TMX3: variants seen among roughly 807,000 people sequenced by gnomAD.
The protein encoded by TMX3 is protein disulfide-isomerase TMX3.
Under a neutral mutation model 64.4 loss-of-function variants are expected in TMX3, and 40 were observed. That is an observed-to-expected ratio of 0.62 (90% CI 0.48 to 0.81). The LOEUF is 0.81. TMX3 is among the 30% of genes least tolerant of loss of function. The probability of loss-of-function intolerance (pLI) is 0.00; values close to 1 mark genes in which losing one functional copy is unlikely to be tolerated. For missense variants in TMX3, 497 were observed against 534.5 expected (o/e 0.93, Z 0.69); for synonymous variants, 189 against 175.7 (o/e 1.08, Z -0.60).
intron 4 of TMX3, among the ~76,000 whole-genome samples, chr18:68,702,174 T>C (rs1175569301): frequency 2.1e-5 from 1 of 46,678 alleles, no homozygotes; most frequent in East Asian, 7.3e-4. Flanking sequence ...TTTACTCCTC[T>C]CAAAAAAAAA....
intron 8 of TMX3, chr18:68,696,994 C>G (rs1915151743): frequency 5.9e-6 from 2 of 338,562 alleles, no homozygotes; most frequent in Non-Finnish European, 5.4e-6. Flanking sequence ...ACAAGAAGCA[C>G]TAATGTAAAT....
chr18:68,691,890 T>G (rs1914557465), intron 8 of TMX3, among the ~76,000 whole-genome samples: 1 of 152,208 alleles, frequency 6.6e-6, no homozygotes, highest in Admixed American at 6.5e-5. Flanking sequence ...GTACTTACTT[T>G]GAGAGAAAAA....
chr18:68,711,407 AAAAACAAG>A lies in TMX3; in HGVS notation c.102-12_102-5del. On this transcript the variant is annotated splice_region_variant and splice_polypyrimidine_tract_variant and intron_variant, in intron 2 of 15. Coordinates refer to ENST00000299608, the MANE Select transcript of TMX3 (RefSeq NM_019022.5). ...ATCATTTCGATTTTCTTTAAACCTAAAAAACAAGAAAACAAATGTTTGATTGTATGTTT... is the reference window on the plus strand; with the variant it reads ...ATCATTTCGATTTTCTTTAAACCTAAAAAACAAATGTTTGATTGTATGTTT... The A allele has an allele frequency of 1.9e-6, 3 of 1,581,218 alleles. No homozygotes were observed. Among genetic ancestry groups the A allele is most frequent in the Non-Finnish European group, 1.7e-6 (2 of 1,157,338 alleles).
chr18:68,680,182 T>C (rs1454649001), intron 14 of TMX3, among the ~76,000 whole-genome samples: 4 of 152,206 alleles, frequency 2.6e-5, no homozygotes, highest in Non-Finnish European at 5.9e-5. Flanking sequence ...CCGAAAGTAG[T>C]TATGTTTGTT....
At chr18:68,698,664 T>C (rs1171039657) in intron 6 of TMX3, among the ~76,000 whole-genome samples, 2 of 152,036 alleles carry the variant, frequency 1.3e-5, no homozygotes, top group East Asian at 1.9e-4. Flanking sequence ...AGCAAATAGA[T>C]TGAGCAATGA....
At chr18:68,710,909 A>G (rs996429545) in intron 3 of TMX3, among the ~76,000 whole-genome samples, 3 of 152,190 alleles carry the variant, frequency 2.0e-5, no homozygotes, top group Non-Finnish European at 4.4e-5. Context: ...CAACTATCAT[A>G]AGGTTTAAAT....
chr18:68,708,126 T>C (rs933204721), intron 4 of TMX3, among the ~76,000 whole-genome samples: 2 of 151,950 alleles, frequency 1.3e-5, no homozygotes, highest in African/African-American at 4.8e-5. Context: ...ATTACTTTCA[T>C]GAGCAACAGT....
chr18:68,711,461 T>A, intron 2 of TMX3, 58 bp from the exon 3 acceptor site: 13 of 1,222,456 alleles, frequency 1.1e-5, no homozygotes, highest in Admixed American at 2.1e-5. Flanking sequence ...TACAACTGTA[T>A]AGTATAGGCA....
rs567900716 is a variant in TMX3, at chr18:68,712,000, C to T, written c.102-597G>A. On this transcript the variant is annotated intron_variant, in intron 2 of 15. Transcript: ENST00000299608. ...TCCCTTAAAATGTTCAACCACCCTGCGGATCAGAGTTTACAGCATATGACG... is the reference window on the plus strand; with the variant it reads ...TCCCTTAAAATGTTCAACCACCCTGTGGATCAGAGTTTACAGCATATGACG... Among the ~76,000 whole-genome samples, 42 of 152,262 alleles carry T rather than the reference C, an allele frequency of 2.8e-4. No individual in the cohort carries two copies. In the South Asian group the frequency reaches 3.9e-3, roughly 14 times the overall value.
chr18:68,699,288 C>A (rs1228137790), intron 6 of TMX3, among the ~76,000 whole-genome samples: 1 of 152,074 alleles, frequency 6.6e-6, no homozygotes, highest in Middle Eastern at 3.2e-3. Flanking sequence ...TCAGGAGAAT[C>A]CCTTCTTAAG....
chr18:68,710,627 T>C (rs960995810), intron 3 of TMX3, among the ~76,000 whole-genome samples: 8 of 152,292 alleles, frequency 5.3e-5, no homozygotes, highest in East Asian at 1.9e-4. Context: ...TGGTTTGGCA[T>C]AGGGACAAGC....
chr18:68,712,659 CCT>C (rs1491262355), intron 2 of TMX3, among the ~76,000 whole-genome samples: 2 of 152,044 alleles, frequency 1.3e-5, no homozygotes, highest in Non-Finnish European at 2.9e-5. Context: ...AAGAGTTGCC[CCT>C]GTTAGGACAC....
rs1204456667 is a variant in TMX3, at chr18:68,710,157, AAACAAAC to A, written c.142-20_142-14del. ...ATGGCGCATAAAACTTGTTTTAAAA[AAACAAAC>A]AACAAACAAAAAAAGATAACCATTA... On this transcript the variant is annotated splice_polypyrimidine_tract_variant and intron_variant, in intron 3 of 15. Transcript: ENST00000299608. 2 of 1,520,814 alleles carry A rather than the reference AAACAAAC, an allele frequency of 1.3e-6. No individual in the cohort carries two copies. The highest frequency in any genetic ancestry group is 1.8e-6 in the Non-Finnish European group (2 of 1,139,076). The allele number at this position is 1,520,814 out of a possible 1,614,324, so 94.2% of individuals were successfully genotyped here. A position where few individuals can be genotyped will look rare whatever the true frequency, so the allele number is the denominator to read the frequency against.
At position 68,674,210 on chromosome 18, in the gene TMX3, G is replaced by C. The variant is rs1232633403; in HGVS notation, c.*2723C>G. 5 of 152,074 alleles carry C rather than the reference G, an allele frequency of 3.3e-5. No homozygotes were observed. Among genetic ancestry groups the C allele is most frequent in the Admixed American group, 1.3e-4 (2 of 15,250 alleles). 9.4% of individuals were successfully genotyped at this position (152,074 alleles called of 1,614,324 possible). ...TACCAGGAAGCAACTATGTGAGAAA[G>C]AAAATGAAAATTCTAGGTCTAATAC... On this transcript the variant is annotated 3_prime_UTR_variant, in exon 16 of 16. Coordinates refer to ENST00000299608, the MANE Select transcript of TMX3 (RefSeq NM_019022.5).
intron 8 of TMX3, among the ~76,000 whole-genome samples, chr18:68,692,387 G>GT (rs1331527903): frequency 6.6e-5 from 10 of 152,030 alleles, no homozygotes; most frequent in Admixed American, 5.9e-4. Flanking sequence ...TCTCCCGTGT[G>GT]TTTTTTTCAA....
At chr18:68,713,419 T>C (rs1304321407) in intron 2 of TMX3, among the ~76,000 whole-genome samples, 3 of 152,162 alleles carry the variant, frequency 2.0e-5, no homozygotes, top group Admixed American at 6.5e-5. Context: ...CCTTCCCCTA[T>C]GCCAGAAAAA....
chr18:68,681,323 C>G, intron 13 of TMX3: 1 of 564,620 alleles, frequency 1.8e-6, no homozygotes, highest in Non-Finnish European at 2.5e-6. Flanking sequence ...TTCTAGGATA[C>G]GCAATTCATC....
intron 2 of TMX3, among the ~76,000 whole-genome samples, chr18:68,712,534 C>T (rs550311281): frequency 1.1e-4 from 17 of 152,182 alleles, no homozygotes; most frequent in African/African-American, 1.7e-4. Context: ...ATTTAGCTGA[C>T]GAACAGTTTG....
Position 68,676,724 on chromosome 18 carries a change from G to A in TMX3, c.*209C>T. 1 of 590,050 alleles carries A rather than the reference G, an allele frequency of 1.7e-6. No homozygotes were observed. Among genetic ancestry groups the A allele is most frequent in the Non-Finnish European group, 2.9e-6 (1 of 341,890 alleles). The allele number at this position is 590,050 out of a possible 1,614,324, so 36.6% of individuals were successfully genotyped here. On this transcript the variant is annotated 3_prime_UTR_variant, in exon 16 of 16. Coordinates refer to ENST00000299608, the MANE Select transcript of TMX3 (RefSeq NM_019022.5). ...AAGATCAGGTAAATTTTGATGGAGT[G>A]CTCTGTGTTTGTTTCAGACAAACTG...
Sources: gnomAD v4.1 joint callset for allele counts (sites outside exome capture counted in the v4.1 genomes callset) on GRCh38, gnomAD v4.1.1 for gene constraint, MANE v1.5 for transcripts, NCBI Gene and HGNC (gene_info 2026-07-23, HGNC 2026-07-21) for gene names.